Variants in AKAP19 observed in about 807,000 individuals in gnomAD.
The protein encoded by AKAP19 is A-kinase anchoring protein 19, also known as small A-kinase anchoring protein.
At chr2:189,947,364 A>G in the AKAP19 span, among the ~76,000 whole-genome samples, 3 of 152,178 alleles carry the variant, frequency 2.0e-5, no homozygotes, top group Non-Finnish European at 2.9e-5. Context: ...AATAGTTTTC[A>G]TACATGGATT....
the AKAP19 span, among the ~76,000 whole-genome samples, chr2:190,140,856 T>C: frequency 9.2e-5 from 14 of 152,206 alleles, no homozygotes; most frequent in Non-Finnish European, 1.6e-4. Context: ...GGGTTTTTCT[T>C]TTCTATCACA....
At chr2:190,054,288 T>C in the AKAP19 span, among the ~76,000 whole-genome samples, 1 of 152,272 alleles carries the variant, frequency 6.6e-6, no homozygotes, top group Non-Finnish European at 1.5e-5. Context: ...GCTAGCCATA[T>C]GTAGAAAGCT....
At chr2:189,973,134 C>G in the AKAP19 span, among the ~76,000 whole-genome samples, 4 of 152,114 alleles carry the variant, frequency 2.6e-5, no homozygotes, top group Non-Finnish European at 4.4e-5. Flanking sequence ...ATAAATAGCT[C>G]TTATTATTTT....
At chr2:190,119,699 C>A in the AKAP19 span, among the ~76,000 whole-genome samples, 1 of 152,046 alleles carries the variant, frequency 6.6e-6, no homozygotes, top group Admixed American at 6.5e-5. Context: ...TCTCTATCTG[C>A]CTAAAATAAT....
At chr2:189,915,211 G>C in the AKAP19 span, among the ~76,000 whole-genome samples, 1 of 151,878 alleles carries the variant, frequency 6.6e-6, no homozygotes, top group Non-Finnish European at 1.5e-5. Flanking sequence ...TACTCTCATT[G>C]TACTACTTGC....
the AKAP19 span, among the ~76,000 whole-genome samples, chr2:189,888,130 TGTATAAG>T: frequency 6.6e-6 from 1 of 152,214 alleles, no homozygotes; most frequent in East Asian, 1.9e-4. Flanking sequence ...AGTTAATTTT[TGTATAAG>T]GTATAAGGAA....
chr2:190,047,901 TAGAGGTG>T, the AKAP19 span, among the ~76,000 whole-genome samples: 1 of 152,188 alleles, frequency 6.6e-6, no homozygotes, highest in East Asian at 1.9e-4. Context: ...TTGGCTTCAG[TAGAGGTG>T]AGGGATGCTG....
the AKAP19 span, among the ~76,000 whole-genome samples, chr2:189,965,462 A>G: frequency 6.6e-6 from 1 of 152,144 alleles, no homozygotes; most frequent in East Asian, 1.9e-4. Flanking sequence ...AAAAAAACCA[A>G]CAGTCCCATC....
the AKAP19 span, among the ~76,000 whole-genome samples, chr2:190,021,401 T>C: frequency 6.6e-6 from 1 of 152,224 alleles, no homozygotes; most frequent in Non-Finnish European, 1.5e-5. Flanking sequence ...GTAGTTTGTT[T>C]AAACTTTATA....
At chr2:190,000,451 T>C in the AKAP19 span, among the ~76,000 whole-genome samples, 4 of 152,220 alleles carry the variant, frequency 2.6e-5, no homozygotes, top group Non-Finnish European at 5.9e-5. Context: ...CCAGAATTCA[T>C]TTCCTTGCTA....
At chr2:190,065,421 C>T in the AKAP19 span, among the ~76,000 whole-genome samples, 1 of 152,196 alleles carries the variant, frequency 6.6e-6, no homozygotes, top group South Asian at 2.1e-4. Context: ...CCGAACTGTA[C>T]ACCTAAAAAT....
the AKAP19 span, among the ~76,000 whole-genome samples, chr2:190,115,260 CATATATATATATATATATATAT>C: frequency 0.061 from 683 of 11,166 alleles, 35 homozygotes; most frequent in African/African-American, 0.1. Flanking sequence ...AGGCAAGAAG[CATATATATATATATATATATAT>C]ATATATATAT....
the AKAP19 span, among the ~76,000 whole-genome samples, chr2:190,129,376 A>G: frequency 6.6e-6 from 1 of 152,214 alleles, no homozygotes; most frequent in African/African-American, 2.4e-5. Flanking sequence ...ATATCTTTGT[A>G]AAATATTTGA....
the AKAP19 span, among the ~76,000 whole-genome samples, chr2:190,116,958 T>C: frequency 2.0e-5 from 3 of 152,206 alleles, no homozygotes; most frequent in Non-Finnish European, 2.9e-5. Context: ...TAGTGATTAA[T>C]GGTATGAAGG....
the AKAP19 span, among the ~76,000 whole-genome samples, chr2:189,916,611 TGC>T: frequency 6.6e-6 from 1 of 152,210 alleles, no homozygotes; most frequent in East Asian, 1.9e-4. Context: ...TGTAAGCCAC[TGC>T]GCCCAGCCTA....
the AKAP19 span, among the ~76,000 whole-genome samples, chr2:190,006,693 G>A: frequency 6.7e-6 from 1 of 148,680 alleles, no homozygotes. Flanking sequence ...CAGCATTGGT[G>A]CAATGTAGTA....
the AKAP19 span, among the ~76,000 whole-genome samples, chr2:190,133,146 G>A: frequency 1.3e-5 from 2 of 148,548 alleles, no homozygotes; most frequent in African/African-American, 2.5e-5. Context: ...GCTGAGGCAG[G>A]AGAATAGCGT....
At chr2:190,142,173 A>G in the AKAP19 span, among the ~76,000 whole-genome samples, 1 of 152,172 alleles carries the variant, frequency 6.6e-6, no homozygotes, top group Admixed American at 6.5e-5. Flanking sequence ...AGGGAATTTC[A>G]GTGTTTCAGC....
chr2:190,180,818 G>C, the AKAP19 span: 1 of 985,182 alleles, frequency 1.0e-6, no homozygotes, highest in South Asian at 4.7e-5. The surrounding 1 kb of genome is among the most constrained non-coding windows in gnomAD (Gnocchi z 6.8). Context: ...ACGGCAGGAG[G>C]AGGGGCCGGG....
Sources: allele counts gnomAD v4.1 joint callset (sites outside exome capture counted in the v4.1 genomes callset), GRCh38; gene constraint gnomAD v4.1.1; non-coding constraint Gnocchi (gnomAD v3.1); transcripts MANE v1.5; gene names NCBI Gene and HGNC (gene_info 2026-07-23, HGNC 2026-07-21).